Variants in LPCAT3 observed in about 807,000 individuals in gnomAD.
LPCAT3 encodes lysophosphatidylcholine acyltransferase 3.
LPCAT3 carries 21 observed loss-of-function variants against 63.4 expected under a neutral mutation model. That is an observed-to-expected ratio of 0.33 (90% confidence interval 0.23 to 0.48). LPCAT3 has a LOEUF of 0.48. Ranked by LOEUF, LPCAT3 falls within the 20% of genes least tolerant of loss-of-function variation. The probability of loss-of-function intolerance (pLI) is 0.99; values close to 1 mark genes in which losing one functional copy is unlikely to be tolerated. For synonymous variants in LPCAT3, 242 were observed against 227.5 expected, an observed-to-expected ratio of 1.06 and a Z score of -0.58; for missense variants, 451 against 590.6, an observed-to-expected ratio of 0.76 and a Z score of 2.45.
intron 1 of LPCAT3, among the ~76,000 whole-genome samples, chr12:7,007,797 G>A (rs1192481035): frequency 6.6e-6 from 1 of 152,108 alleles, no homozygotes; most frequent in Non-Finnish European, 1.5e-5. Context: ...GCCCGGCCAT[G>A]ACAAAAGCTT....
In LPCAT3 at chr12:6,987,074, T is replaced by A. The variant is rs1177889989; in HGVS notation, c.152-3535A>T. On this transcript the variant is annotated intron_variant, in intron 1 of 12. Coordinates refer to ENST00000261407, the MANE Select transcript of LPCAT3 (RefSeq NM_005768.6). The surrounding 1 kb of genome is among the most constrained non-coding windows in gnomAD (Gnocchi z 4.1). ...GTGGCAGTGAGCTGAGATCACGCCA[T>A]TGCACTCCAGCTTGGGCAACGAGCA... 6.6e-6 allele frequency among the ~76,000 whole-genome samples: 1 copy of A among 151,862 alleles called. No homozygotes were observed. The highest frequency in any genetic ancestry group is 2.4e-5 in the African/African-American group (1 of 41,258).
rs1162489133 is a variant in LPCAT3, at chr12:6,976,664, G to T, written c.*240C>A. On this transcript the variant is annotated 3_prime_UTR_variant, in exon 13 of 13. Transcript: ENST00000261407. Reference sequence around the variant, plus strand: ...CTTGAACCCAGGAGGTGGAGGTTGCGGTGAGCTGAGATCCCGCCACTGCAT... The same window carrying T: ...CTTGAACCCAGGAGGTGGAGGTTGCTGTGAGCTGAGATCCCGCCACTGCAT... The T allele has an allele frequency of 6.5e-6, 1 of 154,346 alleles. No individual in the cohort carries two copies. Among genetic ancestry groups the T allele is most frequent in the South Asian group, 2.0e-4 (1 of 4,994 alleles). 9.6% of individuals were successfully genotyped at this position (154,346 alleles called of 1,614,324 possible). A position where few individuals can be genotyped will look rare whatever the true frequency, so the allele number is the denominator to read the frequency against.
chr12:7,000,042 C>T (rs1184690565), intron 1 of LPCAT3, among the ~76,000 whole-genome samples: 1 of 151,050 alleles, frequency 6.6e-6, no homozygotes, highest in Non-Finnish European at 1.5e-5. Context: ...GCCTCAGCCT[C>T]CCAAGTAGCT....
rs1197970873 is a variant in LPCAT3, at chr12:6,977,054, T to TCTAATA, written c.*12+74_*12+79dup. 2.1e-5 allele frequency: 19 copies of TCTAATA among 895,320 alleles called. No homozygotes were observed. In the African/African-American group the frequency reaches 3.1e-4, roughly 15 times the overall value. 55.5% of individuals were successfully genotyped at this position (895,320 alleles called of 1,614,324 possible). A position where few individuals can be genotyped will look rare whatever the true frequency, so the allele number is the denominator to read the frequency against. On this transcript the variant is annotated intron_variant, in intron 12 of 12. Transcript: ENST00000261407. This position sits in a 1 kb window ranked among gnomAD's most constrained non-coding sequence, Gnocchi z 4.5. ...TAATCCTTGGAATTCACCCCAGATT[T>TCTAATA]CTAATACTATTGTTTTTTTCCAGTC...
At chr12:6,991,417 G>T (rs1555155494) in intron 1 of LPCAT3, among the ~76,000 whole-genome samples, 3 of 152,136 alleles carry the variant, frequency 2.0e-5, no homozygotes. Context: ...ATCACACATA[G>T]ATCACTGCAA....
intron 1 of LPCAT3, among the ~76,000 whole-genome samples, chr12:7,007,745 T>G (rs1321996988): frequency 2.0e-5 from 3 of 152,182 alleles, no homozygotes; most frequent in African/African-American, 7.2e-5. Context: ...TCCACCCACC[T>G]CAGCCTCCCA....
At chr12:6,994,738 AG>A (rs1334194073) in intron 1 of LPCAT3, among the ~76,000 whole-genome samples, 11 of 152,246 alleles carry the variant, frequency 7.2e-5, no homozygotes, top group African/African-American at 2.4e-4. Flanking sequence ...TACAGGCATC[AG>A]CCACTGTGCT....
chr12:6,978,174 T>A (rs1591711154), intron 9 of LPCAT3, 167 bp downstream of exon 9: 9 of 765,914 alleles, frequency 1.2e-5, no homozygotes, highest in East Asian at 7.9e-5. Flanking sequence ...CAGTAATGGT[T>A]TTTTTGGGAG....
chr12:6,977,731 C>A lies in LPCAT3; in HGVS notation c.1055G>T (p.Arg352Leu). 1.9e-6 allele frequency: 3 copies of A among 1,613,980 alleles called. No individual in the cohort carries two copies. The South Asian group carries it at 3.3e-5, about 18-fold the overall frequency. The change falls in exon 10 of 13, where the codon CGA (arginine) becomes CTA (leucine). Residue 352 changes from arginine to leucine, a missense_variant. By Grantham distance (102) the Arg-to-Leu change is moderately radical. Transcript: ENST00000261407. This position sits in a 1 kb window ranked among gnomAD's most constrained non-coding sequence, Gnocchi z 4.5. ...TTCTTTATTTCCAAGGAACTTGAGT[C>A]GTTTGAAGATGTAGCTGGAGAAAAG... Reference protein sequence around the residue: ...NAWVARYIFKRLKFLGNKELS... With the variant: ...NAWVARYIFKLLKFLGNKELS...
intron 1 of LPCAT3, among the ~76,000 whole-genome samples, chr12:7,014,921 C>T (rs949851420): frequency 9.6e-5 from 14 of 145,184 alleles, no homozygotes; most frequent in African/African-American, 3.1e-4. Context: ...AAAATTGCAG[C>T]CTCTAACTCA....
chr12:6,986,769 C>T (rs1555154770), intron 1 of LPCAT3, among the ~76,000 whole-genome samples: 221 of 142,184 alleles, frequency 1.6e-3, no homozygotes, highest in Non-Finnish European at 2.7e-3. Flanking sequence ...TGCACTCCAG[C>T]CTGGTGACAG....
At chr12:6,994,211 CT>C (rs1198864732) in intron 1 of LPCAT3, among the ~76,000 whole-genome samples, 2 of 151,824 alleles carry the variant, frequency 1.3e-5, no homozygotes, top group Non-Finnish European at 2.9e-5. Context: ...GGATCTTTTT[CT>C]TTTTTTTCCC....
chr12:6,988,888 A>G (rs1946558358), intron 1 of LPCAT3, among the ~76,000 whole-genome samples: 1 of 152,134 alleles, frequency 6.6e-6, no homozygotes, highest in South Asian at 2.1e-4. Flanking sequence ...GCACTTTGGG[A>G]GGCCGAGGCA....
At chr12:6,982,196 A>G (rs1946477679) in intron 3 of LPCAT3, among the ~76,000 whole-genome samples, 1 of 151,918 alleles carries the variant, frequency 6.6e-6, no homozygotes, top group South Asian at 2.1e-4. Flanking sequence ...CCCAGGCTGG[A>G]GGGCTAATTT....
chr12:6,993,801 A>G (rs1440305158), intron 1 of LPCAT3, among the ~76,000 whole-genome samples: 2 of 152,068 alleles, frequency 1.3e-5, no homozygotes, highest in Non-Finnish European at 1.5e-5. Context: ...TTTTATAGAC[A>G]AGGTCTCACT....
chr12:6,983,662 TATA>T, intron 1 of LPCAT3, 123 bp from the exon 2 acceptor site: 1 of 654,790 alleles, frequency 1.5e-6, no homozygotes, highest in South Asian at 1.8e-5. Context: ...CAACATACAT[TATA>T]TGGATGGCAA....
chr12:6,991,443 T>C (rs1230568128), intron 1 of LPCAT3, among the ~76,000 whole-genome samples: 3 of 152,212 alleles, frequency 2.0e-5, no homozygotes, highest in Non-Finnish European at 4.4e-5. Flanking sequence ...TGGTTCCCTG[T>C]TGTTAGGCAG....
chr12:6,985,774 T>G (rs1487809617), intron 1 of LPCAT3, among the ~76,000 whole-genome samples: 1 of 151,460 alleles, frequency 6.6e-6, no homozygotes, highest in African/African-American at 2.4e-5. Context: ...AACTGGTGTT[T>G]TTTTTTTTTT....
At position 7,003,839 on chromosome 12, in the gene LPCAT3, G is replaced by A. The variant is rs372375941; in HGVS notation, c.151+14435C>T. On this transcript the variant is annotated intron_variant, in intron 1 of 12. Coordinates refer to ENST00000261407, the MANE Select transcript of LPCAT3 (RefSeq NM_005768.6). ...TGGGAGGCTGAGGCAGGAGAATGGC[G>A]TGAACCCGGGAAGCGGAGCTTGCAG... is the stretch of plus-strand genomic sequence containing the variant. 4.6e-5 allele frequency among the ~76,000 whole-genome samples: 7 copies of A among 150,714 alleles called. No individual in the cohort carries two copies. In the East Asian group the frequency reaches 9.9e-4, roughly 21 times the overall value.
Sources: allele counts gnomAD v4.1 joint callset (sites outside exome capture counted in the v4.1 genomes callset), GRCh38; gene constraint gnomAD v4.1.1; non-coding constraint Gnocchi (gnomAD v3.1); transcripts MANE v1.5; gene names NCBI Gene and HGNC (gene_info 2026-07-23, HGNC 2026-07-21).